The following ASIC2 variants were observed in gnomAD, a reference collection of about 807,000 sequenced individuals.
The protein encoded by ASIC2 is acid sensing ion channel subunit 2.
In ASIC2, 25 loss-of-function variants were observed where a neutral mutation model predicts 57.3. The observed-to-expected ratio is 0.44, with a 90% CI of 0.32 to 0.61. ASIC2 has a LOEUF of 0.61. Ranked by LOEUF, ASIC2 falls within the 20% of genes least tolerant of loss-of-function variation. ASIC2 has a pLI of 0.06. For synonymous variants in ASIC2, 319 were observed against 307.5 expected (o/e 1.04, Z -0.39); for missense variants, 641 against 738.1 (o/e 0.87, Z 1.52).
chr17:33,357,764 A>G (rs1908443535), intron 1 of ASIC2, among the ~76,000 whole-genome samples: 1 of 152,210 alleles, frequency 6.6e-6, no homozygotes, highest in African/African-American at 2.4e-5. Context: ...GAGTGGAACA[A>G]CTATCTAGAA....
chr17:33,577,860 G>A (rs1236526258), intron 1 of ASIC2, among the ~76,000 whole-genome samples: 1 of 152,168 alleles, frequency 6.6e-6, no homozygotes, highest in East Asian at 1.9e-4. Flanking sequence ...CCAAAGGAGA[G>A]AAGAGAACCT....
chr17:33,052,226 C>T (rs2091979547), intron 3 of ASIC2: 2 of 152,198 alleles, frequency 1.3e-5, no homozygotes, highest in African/African-American at 4.8e-5. Context: ...ATGCTTTCCC[C>T]TAAACTTTAA....
chr17:33,442,332 T>C (rs964408363), intron 1 of ASIC2, among the ~76,000 whole-genome samples: 5 of 152,230 alleles, frequency 3.3e-5, no homozygotes, highest in African/African-American at 9.6e-5. Context: ...GGGAAATTCT[T>C]TGGGATTGAG....
At chr17:33,709,012 A>G in intron 1 of ASIC2, among the ~76,000 whole-genome samples, 1 of 152,218 alleles carries the variant, frequency 6.6e-6, no homozygotes, top group South Asian at 2.1e-4. Flanking sequence ...CTGGGTCAAG[A>G]TATATCCTGC....
intron 3 of ASIC2, among the ~76,000 whole-genome samples, chr17:33,059,232 A>G (rs1439746122): frequency 7.2e-5 from 11 of 152,308 alleles, no homozygotes; most frequent in African/African-American, 2.6e-4. Flanking sequence ...ATATGTATAC[A>G]TGTGCCATGT....
intron 1 of ASIC2, among the ~76,000 whole-genome samples, chr17:33,962,112 C>T (rs527612788): frequency 6.6e-6 from 1 of 152,176 alleles, no homozygotes; most frequent in Non-Finnish European, 1.5e-5. Flanking sequence ...AGCCCATGAA[C>T]AAGTCCAGTT....
chr17:33,390,511 A>G (rs1909851891), intron 1 of ASIC2, among the ~76,000 whole-genome samples: 2 of 152,182 alleles, frequency 1.3e-5, no homozygotes, highest in Admixed American at 1.3e-4. Flanking sequence ...TTTCTGTGCA[A>G]TCCAGGAATC....
chr17:33,332,859 C>A (rs554081587), intron 1 of ASIC2, among the ~76,000 whole-genome samples: 3 of 152,262 alleles, frequency 2.0e-5, no homozygotes, highest in African/African-American at 7.2e-5. Context: ...CCACTGCACT[C>A]CAGCCTGGGT....
At chr17:34,018,906 TTTTG>T (rs1166163258) in intron 1 of ASIC2, among the ~76,000 whole-genome samples, 11 of 152,034 alleles carry the variant, frequency 7.2e-5, no homozygotes, top group African/African-American at 1.7e-4. Flanking sequence ...AGTGACTTCT[TTTTG>T]TTTGTTTTTT....
intron 1 of ASIC2, among the ~76,000 whole-genome samples, chr17:33,404,657 A>G (rs1910404994): frequency 6.6e-6 from 1 of 152,228 alleles, no homozygotes; most frequent in Non-Finnish European, 1.5e-5. Flanking sequence ...GAGGGACAAC[A>G]TATGCATCCT....
At chr17:33,579,687 G>A (rs180871912) in intron 1 of ASIC2, among the ~76,000 whole-genome samples, 15 of 152,306 alleles carry the variant, frequency 9.8e-5, no homozygotes, top group South Asian at 2.1e-4. Context: ...CTAGAGTGAA[G>A]CTACAGACCT....
chr17:33,125,768 T>A lies in ASIC2; in HGVS notation c.709-13701A>T, dbSNP rs543480303. ...AGGTCCACCTGTTCCAGCCTATTGT[T>A]CTTGTCGAGCTGTGGGCATTCAAGG... On this transcript the variant is annotated intron_variant, in intron 1 of 9. Transcript: ENST00000225823. Among the ~76,000 whole-genome samples, 19 of 152,362 alleles carry A rather than the reference T, an allele frequency of 1.2e-4. No homozygotes were observed. In the South Asian group the frequency reaches 3.9e-3, roughly 32 times the overall value.
At chr17:33,145,029 A>G (rs1904498317) in intron 1 of ASIC2, among the ~76,000 whole-genome samples, 1 of 152,198 alleles carries the variant, frequency 6.6e-6, no homozygotes, top group Non-Finnish European at 1.5e-5. Context: ...ACTCTCCTCC[A>G]GGAGGTAGAC....
At chr17:33,886,358 C>T (rs563766916) in intron 1 of ASIC2, among the ~76,000 whole-genome samples, 69 of 152,154 alleles carry the variant, frequency 4.5e-4, no homozygotes, top group Non-Finnish European at 6.8e-4. Context: ...AGAGGGATTC[C>T]GATCGTAAAG....
intron 3 of ASIC2, among the ~76,000 whole-genome samples, chr17:33,057,123 A>G (rs1354808410): frequency 6.6e-6 from 1 of 152,156 alleles, no homozygotes; most frequent in Non-Finnish European, 1.5e-5. Context: ...ACTGAATGGC[A>G]AGAGGATCTG....
intron 1 of ASIC2, among the ~76,000 whole-genome samples, chr17:33,426,673 A>G (rs1048100098): frequency 6.6e-6 from 1 of 152,176 alleles, no homozygotes; most frequent in African/African-American, 2.4e-5. Context: ...CTGGTTTTCT[A>G]TTCACAAACA....
chr17:33,570,755 G>A (rs923778082), intron 1 of ASIC2, among the ~76,000 whole-genome samples: 1 of 152,140 alleles, frequency 6.6e-6, no homozygotes, highest in African/African-American at 2.4e-5. Flanking sequence ...GGATAGCCTT[G>A]CCCACGTGTC....
rs556239220 is a variant in ASIC2, at chr17:34,153,661, G to A, written c.555+2317C>T. ...TGGAGCCTCGTTGGGCTGTCCTGGA[G>A]TAGATGCTTTTTCTGATACTCCCTG... On this transcript the variant is annotated intron_variant, in intron 1 of 9. Transcript: ENST00000359872. Among the ~76,000 whole-genome samples, 6 of 152,304 alleles carry A rather than the reference G, an allele frequency of 3.9e-5. No individual in the cohort carries two copies. In the East Asian group the frequency reaches 9.6e-4, roughly 24 times the overall value.
intron 1 of ASIC2, among the ~76,000 whole-genome samples, chr17:33,810,482 C>A (rs1469817699): frequency 6.6e-6 from 1 of 152,162 alleles, no homozygotes; most frequent in African/African-American, 2.4e-5. Flanking sequence ...CATACAGAGC[C>A]AAGTGCAGGA....
Sources: allele counts gnomAD v4.1 joint callset (sites outside exome capture counted in the v4.1 genomes callset), GRCh38; gene constraint gnomAD v4.1.1; transcripts MANE v1.5; gene names NCBI Gene and HGNC (gene_info 2026-07-23, HGNC 2026-07-21).